The following ZNF469 variants were observed in gnomAD, a reference collection of about 807,000 sequenced individuals.
The protein encoded by ZNF469 is zinc finger protein 469.
A neutral mutation model predicts 1.0 loss-of-function variants in ZNF469; 1 was observed. That is an observed-to-expected ratio of 1.00 (90% CI 0.35 to 4.73). The LOEUF is 4.73. Ranked by LOEUF, ZNF469 falls within the 30% of genes most tolerant of loss-of-function variation. ZNF469 has a pLI of 0.16. For synonymous variants in ZNF469, 2,703 were observed against 2,363.4 expected (o/e 1.14, Z -4.17); for missense variants, 6,100 against 5,356.3 (o/e 1.14, Z -4.33).
chr16:88,212,090 T>C, the ZNF469 span, among the ~76,000 whole-genome samples: 1 of 152,368 alleles, frequency 6.6e-6, no homozygotes, highest in African/African-American at 2.4e-5. Flanking sequence ...AAAATTCTTA[T>C]ATATTTTGTC....
the ZNF469 span, among the ~76,000 whole-genome samples, chr16:88,284,540 G>T: frequency 3.3e-5 from 5 of 151,396 alleles, no homozygotes; most frequent in Non-Finnish European, 5.9e-5. Context: ...GAGCCCAGGA[G>T]GTCAAGGCTG....
At chr16:88,357,324 G>C in the ZNF469 span, among the ~76,000 whole-genome samples, 1 of 152,358 alleles carries the variant, frequency 6.6e-6, no homozygotes, top group East Asian at 1.9e-4. Flanking sequence ...ACTGCAGCGT[G>C]GTGCCACCTC....
the ZNF469 span, among the ~76,000 whole-genome samples, chr16:88,250,579 T>C: frequency 6.6e-6 from 1 of 152,222 alleles, no homozygotes; most frequent in African/African-American, 2.4e-5. Flanking sequence ...TGACTTTCCC[T>C]CTCATGCCTC....
At chr16:88,374,430 G>A in the ZNF469 span, among the ~76,000 whole-genome samples, 22 of 152,204 alleles carry the variant, frequency 1.4e-4, no homozygotes, top group Non-Finnish European at 2.8e-4. Context: ...GGCCTGAGTC[G>A]GAGTTGGGGA....
chr16:88,312,595 A>C, the ZNF469 span, among the ~76,000 whole-genome samples: 1 of 152,124 alleles, frequency 6.6e-6, no homozygotes, highest in Non-Finnish European at 1.5e-5. Context: ...TCATTCTTCA[A>C]AAGGCCTTGC....
At chr16:88,324,814 C>A in the ZNF469 span, among the ~76,000 whole-genome samples, 1 of 152,154 alleles carries the variant, frequency 6.6e-6, no homozygotes, top group African/African-American at 2.4e-5. Flanking sequence ...GCAGAGGGGG[C>A]AGCTGGAGGA....
chr16:88,342,482 G>A, the ZNF469 span, among the ~76,000 whole-genome samples: 2 of 152,184 alleles, frequency 1.3e-5, no homozygotes, highest in Admixed American at 6.5e-5. Context: ...AGGATGATCG[G>A]GGAAAGCTGC....
At chr16:88,304,104 T>C in the ZNF469 span, among the ~76,000 whole-genome samples, 5 of 152,158 alleles carry the variant, frequency 3.3e-5, no homozygotes, top group African/African-American at 7.2e-5. Flanking sequence ...GGAGGAGGAC[T>C]TGCTGGCCTT....
chr16:88,437,322 G>A lies in ZNF469; in HGVS notation c.9852G>A (p.Gly3284=), dbSNP rs998016610. 3 of 1,546,972 alleles carry A rather than the reference G, an allele frequency of 1.9e-6. No individual in the cohort carries two copies. Among genetic ancestry groups the A allele is most frequent in the South Asian group, 1.2e-5 (1 of 83,888 alleles). ...RARSTPSNPD[G]AATPDSASAT... ...GCAGCACCCCCAGCAACCCAGACGG[G>A]GCCGCGACCCCAGACAGCGCCTCTG... Residue 3284 remains glycine (G), a synonymous_variant, in exon 3 of 3, where the codon GGG becomes GGA. Transcript: ENST00000565624.
chr16:88,103,673 C>T, the ZNF469 span, among the ~76,000 whole-genome samples: 13 of 152,014 alleles, frequency 8.6e-5, no homozygotes, highest in Non-Finnish European at 1.3e-4. Flanking sequence ...TGGGTGGGGG[C>T]GGTAGAATAA....
the ZNF469 span, among the ~76,000 whole-genome samples, chr16:88,188,836 TGAG>T: frequency 6.6e-6 from 1 of 152,100 alleles, no homozygotes; most frequent in African/African-American, 2.4e-5. Context: ...CTGTGGAGTT[TGAG>T]GAGCACAGCC....
chr16:88,369,764 G>A, the ZNF469 span, among the ~76,000 whole-genome samples: 9 of 152,168 alleles, frequency 5.9e-5, no homozygotes, highest in East Asian at 1.9e-4. Flanking sequence ...GAGGGGCCAC[G>A]GTGAGGTGGG....
chr16:88,109,819 G>C, the ZNF469 span, among the ~76,000 whole-genome samples: 1 of 152,190 alleles, frequency 6.6e-6, no homozygotes, highest in African/African-American at 2.4e-5. Context: ...CCGGGATCAG[G>C]AGGTGCTGAG....
At chr16:88,141,842 G>C in the ZNF469 span, among the ~76,000 whole-genome samples, 2 of 152,204 alleles carry the variant, frequency 1.3e-5, no homozygotes, top group East Asian at 3.8e-4. Flanking sequence ...AGGCAGGAAA[G>C]GGATTCTTCC....
the ZNF469 span, among the ~76,000 whole-genome samples, chr16:88,302,114 G>A: frequency 7.2e-5 from 11 of 152,302 alleles, no homozygotes; most frequent in African/African-American, 1.9e-4. Context: ...CTGGGCTCTC[G>A]GTCAGGACAG....
chr16:88,213,700 T>C, the ZNF469 span, among the ~76,000 whole-genome samples: 10 of 152,302 alleles, frequency 6.6e-5, no homozygotes, highest in East Asian at 1.5e-3. Context: ...CTCACTCTCG[T>C]GTGTCCTTCT....
chr16:88,268,702 A>T, the ZNF469 span, among the ~76,000 whole-genome samples: 1 of 152,168 alleles, frequency 6.6e-6, no homozygotes, highest in African/African-American at 2.4e-5. Context: ...CACGCTTGTC[A>T]CACTTCTCTA....
At chr16:88,235,428 G>C in the ZNF469 span, among the ~76,000 whole-genome samples, 20 of 152,224 alleles carry the variant, frequency 1.3e-4, no homozygotes, top group Non-Finnish European at 2.6e-4. Context: ...GTGGACACCA[G>C]CCCTCCCTGG....
chr16:88,120,753 G>A, the ZNF469 span, among the ~76,000 whole-genome samples: 2 of 152,208 alleles, frequency 1.3e-5, no homozygotes, highest in African/African-American at 2.4e-5. Flanking sequence ...AACACTGGCT[G>A]GAAAATGGAA....
Sources: gnomAD v4.1 joint callset for allele counts (sites outside exome capture counted in the v4.1 genomes callset) on GRCh38, gnomAD v4.1.1 for gene constraint, MANE v1.5 for transcripts, NCBI Gene and HGNC (gene_info 2026-07-23, HGNC 2026-07-21) for gene names.